The following MSH3 variants were observed in gnomAD, a reference collection of about 807,000 sequenced individuals.
MSH3 encodes mutS homolog 3, also known as DNA mismatch repair protein Msh3.
Under a neutral mutation model 123.3 loss-of-function variants are expected in MSH3, and 106 were observed. That is an observed-to-expected ratio of 0.86 (90% confidence interval 0.73 to 1.01). The LOEUF is 1.01. Ranked by LOEUF, MSH3 falls within the 50% of genes least tolerant of loss-of-function variation. MSH3 has a pLI of 0.00. For missense variants in MSH3, 1,459 were observed against 1,347.6 expected (o/e 1.08, Z -1.29); for synonymous variants, 515 against 481.4 (o/e 1.07, Z -0.91).
In MSH3 at chr5:80,696,481, G is replaced by T. The variant is rs963319731; in HGVS notation, c.1340+17388G>T. The stretch of plus-strand genomic sequence containing the variant: ...TCTGGGGGTTTGTTGAGGCTTTTTT[G>T]TCTGTGCCTGTTGGTCTTTCCGGGT... On this transcript the variant is annotated intron_variant, in intron 8 of 23. Transcript: ENST00000265081. Among the ~76,000 whole-genome samples the T allele has an allele frequency of 1.1e-4, 17 of 152,210 alleles. No homozygotes were observed. In the East Asian group the frequency reaches 2.5e-3, roughly 22 times the overall value.
At chr5:80,828,166 G>T (rs1259457693) in intron 20 of MSH3, among the ~76,000 whole-genome samples, 1 of 152,092 alleles carries the variant, frequency 6.6e-6, no homozygotes, top group Admixed American at 6.5e-5. Flanking sequence ...CGAGGTCAAG[G>T]GGCTACATCT....
intron 13 of MSH3, among the ~76,000 whole-genome samples, chr5:80,764,094 G>A (rs1210469663): frequency 6.6e-6 from 1 of 152,222 alleles, no homozygotes; most frequent in Non-Finnish European, 1.5e-5. Context: ...GGCTGGCTCT[G>A]TGTACACACC....
At chr5:80,805,370 AT>A (rs966377604) in intron 19 of MSH3, among the ~76,000 whole-genome samples, 3 of 152,172 alleles carry the variant, frequency 2.0e-5, no homozygotes, top group African/African-American at 7.2e-5. Context: ...TCTTAATATT[AT>A]TTTTTACTTT....
chr5:80,848,654 C>T (rs181690233), intron 20 of MSH3, among the ~76,000 whole-genome samples: 1 of 152,286 alleles, frequency 6.6e-6, no homozygotes, highest in Non-Finnish European at 1.5e-5. Flanking sequence ...TTAAAACTAT[C>T]AGATCTCATG....
In MSH3 at chr5:80,873,153, T is replaced by A. The variant is rs1027599221; in HGVS notation, c.3168T>A (p.Leu1056=). 2 of 1,613,706 alleles carry A rather than the reference T, an allele frequency of 1.2e-6. No homozygotes were observed. The highest frequency in any genetic ancestry group is 1.7e-6 in the Non-Finnish European group (2 of 1,179,784). Residue 1056 remains leucine, a synonymous_variant, in exon 23 of 24, where the codon CTT becomes CTA. Transcript: ENST00000265081. ...AEQVPDFVTF[L]YQITRGIAAR... is the part of the protein sequence containing the mutation. ...AAGTCCCTGATTTTGTCACCTTCCTTTACCAAATAACTAGAGGAATTGCAG... is the reference window on the plus strand; with the variant it reads ...AAGTCCCTGATTTTGTCACCTTCCTATACCAAATAACTAGAGGAATTGCAG...
Position 80,784,212 on chromosome 5 carries a change from C to CAAAAAAAAAAAAAAAAAAAAAAAA in MSH3, c.2436-3349_2436-3326dup, listed in dbSNP as rs1192783960. Among the ~76,000 whole-genome samples the CAAAAAAAAAAAAAAAAAAAAAAAA allele has an allele frequency of 2.2e-3, 26 of 11,988 alleles. 2 individuals are homozygous for CAAAAAAAAAAAAAAAAAAAAAAAA. Among genetic ancestry groups the CAAAAAAAAAAAAAAAAAAAAAAAA allele is most frequent in the Admixed American group, 8.8e-3 (7 of 792 alleles). 7.9% of individuals were successfully genotyped at this position (11,988 alleles called of 152,430 possible). The stretch of plus-strand genomic sequence containing the variant: ...GCGAAAGAGCGAGACTACTACGTCG[C>CAAAAAAAAAAAAAAAAAAAAAAAA]AAAAAAAAAAAAAAAAAAAAAAAAA... On this transcript the variant is annotated intron_variant, in intron 17 of 23. Coordinates refer to ENST00000265081, the MANE Select transcript of MSH3 (RefSeq NM_002439.5).
At chr5:80,776,690 C>T (rs942795884) in intron 16 of MSH3, among the ~76,000 whole-genome samples, 4 of 151,770 alleles carry the variant, frequency 2.6e-5, no homozygotes, top group African/African-American at 9.7e-5. Flanking sequence ...TGAATAGTAT[C>T]TTTTGTGGAA....
At chr5:80,702,579 A>G (rs947170418) in intron 8 of MSH3, among the ~76,000 whole-genome samples, 3 of 152,222 alleles carry the variant, frequency 2.0e-5, no homozygotes, top group African/African-American at 7.2e-5. Context: ...AAGGCAATGT[A>G]GTTTTATAGA....
chr5:80,656,447 G>GA lies in MSH3; in HGVS notation c.278dup (p.Asn93LysfsTer2), dbSNP rs1749287502. On this transcript the variant is annotated frameshift_variant, in exon 2 of 24. Coordinates refer to ENST00000265081, the MANE Select transcript of MSH3 (RefSeq NM_002439.5). LOFTEE classifies it high-confidence loss of function. ...TGACAGAAGAAAGAAGAGACCATTG[G>GA]AAAATGATGGGCCTGTTAAAAAGAA... 1 of 1,614,158 alleles carries GA rather than the reference G, an allele frequency of 6.2e-7. No homozygotes were observed. Among genetic ancestry groups the GA allele is most frequent in the East Asian group, 2.2e-5 (1 of 44,878 alleles).
intron 2 of MSH3, among the ~76,000 whole-genome samples, chr5:80,659,961 G>A (rs915706140): frequency 2.6e-5 from 4 of 152,178 alleles, no homozygotes; most frequent in Middle Eastern, 3.4e-3. Context: ...TGGGATCCAC[G>A]GGGGAAGGAA....
In MSH3 at chr5:80,812,233, T is replaced by G. The variant is rs570440071; in HGVS notation, c.2656-1351T>G. ...ATACAGCTTTAGGGATGGAACAGGT[T>G]TTCTTTTTATCCCCCATTAGTAACA... On this transcript the variant is annotated intron_variant, in intron 19 of 23. Transcript: ENST00000265081. Among the ~76,000 whole-genome samples the G allele has an allele frequency of 2.6e-5, 4 of 152,304 alleles. No individual in the cohort carries two copies. The East Asian group carries it at 7.7e-4, about 29-fold the overall frequency.
At chr5:80,848,186 T>G (rs1342918217) in intron 20 of MSH3, among the ~76,000 whole-genome samples, 2 of 152,220 alleles carry the variant, frequency 1.3e-5, no homozygotes, top group Non-Finnish European at 2.9e-5. Flanking sequence ...GCTGTGTTCA[T>G]GCCACTGTAC....
intron 20 of MSH3, among the ~76,000 whole-genome samples, chr5:80,844,786 A>T (rs1040157332): frequency 6.6e-6 from 1 of 151,292 alleles, no homozygotes; most frequent in Non-Finnish European, 1.5e-5. Flanking sequence ...TTTTGAGCCT[A>T]TGTGTGTTTT....
At chr5:80,757,100 G>T (rs986464641) in intron 12 of MSH3, among the ~76,000 whole-genome samples, 16 of 149,602 alleles carry the variant, frequency 1.1e-4, no homozygotes, top group African/African-American at 3.7e-4. Context: ...ATTTTATGTT[G>T]GTAGGTACAT....
At chr5:80,783,795 C>CCAAA (rs1744450048) in intron 17 of MSH3, among the ~76,000 whole-genome samples, 1 of 152,060 alleles carries the variant, frequency 6.6e-6, no homozygotes, top group Non-Finnish European at 1.5e-5. Flanking sequence ...GGCAGAAATA[C>CCAAA]CAAATATGGC....
intron 20 of MSH3, among the ~76,000 whole-genome samples, chr5:80,853,336 G>A (rs1218413459): frequency 2.0e-5 from 3 of 152,116 alleles, no homozygotes; most frequent in East Asian, 3.9e-4. Context: ...TTAGCCAGGT[G>A]TGGTGGCATG....
intron 12 of MSH3, among the ~76,000 whole-genome samples, chr5:80,746,168 G>A (rs953101064): frequency 6.6e-6 from 1 of 152,146 alleles, no homozygotes; most frequent in African/African-American, 2.4e-5. Context: ...CTCAGCCATA[G>A]GTTTGGAATC....
chr5:80,779,402 A>AT (rs1200562635), intron 17 of MSH3, among the ~76,000 whole-genome samples: 2 of 151,752 alleles, frequency 1.3e-5, no homozygotes, highest in South Asian at 2.1e-4. Context: ...TCTCTCATGT[A>AT]TTTTTTTTCC....
intron 10 of MSH3, among the ~76,000 whole-genome samples, chr5:80,737,767 T>G (rs901502176): frequency 3.3e-5 from 5 of 152,164 alleles, no homozygotes; most frequent in African/African-American, 9.7e-5. Context: ...ACGTATAAAT[T>G]TATACTTATA....
Sources: allele counts gnomAD v4.1 joint callset (sites outside exome capture counted in the v4.1 genomes callset), GRCh38; gene constraint gnomAD v4.1.1; transcripts MANE v1.5; gene names NCBI Gene and HGNC (gene_info 2026-07-23, HGNC 2026-07-21).